DOCK3: variants seen among roughly 807,000 people sequenced by gnomAD.
The protein encoded by DOCK3 is dedicator of cytokinesis protein 3.
DOCK3 carries 60 observed loss-of-function variants against 265.6 expected under a neutral mutation model. That is an observed-to-expected ratio of 0.23 (90% confidence interval 0.18 to 0.28). The LOEUF (loss-of-function observed/expected upper bound fraction) is 0.28, where lower values mean the gene tolerates loss of function less well. DOCK3 is among the 10% of genes least tolerant of loss of function. DOCK3 has a pLI of 1.00. For synonymous variants in DOCK3, 881 were observed against 938.0 expected (o/e 0.94, Z 1.11); for missense variants, 1,981 against 2,594.3 (o/e 0.76, Z 5.14).
intron 2 of DOCK3, among the ~76,000 whole-genome samples, chr3:50,794,575 C>T (rs1014579906): frequency 1.3e-5 from 2 of 151,898 alleles, no homozygotes; most frequent in African/African-American, 4.8e-5. Flanking sequence ...TCTATTTTGT[C>T]TTGCTTGGTA....
intron 23 of DOCK3, among the ~76,000 whole-genome samples, chr3:51,268,900 T>A (rs866732671): frequency 4.6e-5 from 7 of 152,114 alleles, no homozygotes; most frequent in Admixed American, 2.0e-4. Flanking sequence ...AGCCAAAATA[T>A]GGAGAGATTA....
chr3:50,919,337 A>T (rs1436063490), intron 4 of DOCK3, among the ~76,000 whole-genome samples: 1 of 152,090 alleles, frequency 6.6e-6, no homozygotes, highest in Non-Finnish European at 1.5e-5. Flanking sequence ...TCTATAAATA[A>T]CCTTGGGCAC....
At chr3:51,184,875 T>A (rs996800364) in intron 12 of DOCK3, among the ~76,000 whole-genome samples, 1 of 152,208 alleles carries the variant, frequency 6.6e-6, no homozygotes, top group Non-Finnish European at 1.5e-5. Context: ...GCAAAAGTCA[T>A]GCTGATAGTA....
chr3:51,341,495 A>T, intron 38 of DOCK3, 110 bp downstream of exon 38: 6 of 1,470,822 alleles, frequency 4.1e-6, no homozygotes, highest in Non-Finnish European at 5.6e-6. Flanking sequence ...TGGGGTGGTG[A>T]GTGGGTGGGT....
chr3:51,249,486 C>T (rs867994507), intron 22 of DOCK3, among the ~76,000 whole-genome samples: 6 of 102,764 alleles, frequency 5.8e-5, no homozygotes, highest in African/African-American at 7.7e-5. Flanking sequence ...CCAGCCGCCC[C>T]ATCCGGGAGG....
chr3:51,069,120 C>T (rs2081740876), intron 6 of DOCK3, among the ~76,000 whole-genome samples: 1 of 152,122 alleles, frequency 6.6e-6, no homozygotes, highest in African/African-American at 2.4e-5. Flanking sequence ...TATGTAGATA[C>T]TCCATAAGTA....
intron 5 of DOCK3, among the ~76,000 whole-genome samples, chr3:51,001,848 G>T (rs1449647913): frequency 2.0e-5 from 3 of 152,078 alleles, no homozygotes; most frequent in Admixed American, 6.6e-5. Flanking sequence ...TGATAGGTGT[G>T]TCTCTCACTA....
rs535019658 is a variant in DOCK3 at position 51,308,832 on chromosome 3, C to T, written c.2923-1400C>T. 5.1e-3 allele frequency among the ~76,000 whole-genome samples: 718 copies of T among 140,890 alleles called. 3 individuals are homozygous for T. Among genetic ancestry groups the T allele is most frequent in the Non-Finnish European group, 8.3e-3 (509 of 60,972 alleles). 92.4% of individuals were successfully genotyped at this position (140,890 alleles called of 152,430 possible). ...GGGGCTCCTCACTTCTCAGACGGGG[C>T]GGCTGCCGGGCGGAGGGGCTCCTCA... is the stretch of plus-strand genomic sequence containing the variant. On this transcript the variant is annotated intron_variant, in intron 27 of 52. Coordinates refer to ENST00000266037, the MANE Select transcript of DOCK3 (RefSeq NM_004947.5).
chr3:51,118,798 A>ATT (rs564429211), intron 9 of DOCK3, among the ~76,000 whole-genome samples: 6,799 of 143,914 alleles, frequency 0.047, 545 homozygotes, highest in African/African-American at 0.16. Flanking sequence ...ATTACAACCC[A>ATT]TTTTTTTTTT....
chr3:50,806,920 G>T lies in DOCK3; in HGVS notation c.121+28162G>T, dbSNP rs1160256078. 2.6e-5 allele frequency among the ~76,000 whole-genome samples: 4 copies of T among 151,844 alleles called. No homozygotes were observed. In the East Asian group the frequency reaches 7.8e-4, roughly 29 times the overall value. On this transcript the variant is annotated intron_variant, in intron 2 of 52. Transcript: ENST00000266037. ...TGGTGGCTTTCCAAACTGGACTCAGGGGGTGTAAGGACTGTAGGCCTTTGC... is the reference window on the plus strand; with the variant it reads ...TGGTGGCTTTCCAAACTGGACTCAGTGGGTGTAAGGACTGTAGGCCTTTGC...
intron 9 of DOCK3, among the ~76,000 whole-genome samples, chr3:51,092,335 G>C (rs1204660430): frequency 6.6e-6 from 1 of 152,162 alleles, no homozygotes; most frequent in Non-Finnish European, 1.5e-5. Context: ...GTTGGGGGAG[G>C]GACATCTGCC....
At chr3:50,754,497 A>G (rs147810820) in intron 1 of DOCK3, among the ~76,000 whole-genome samples, 1 of 152,204 alleles carries the variant, frequency 6.6e-6, no homozygotes, top group African/African-American at 2.4e-5. Context: ...TACTTTGAGC[A>G]CATAAACATA....
In DOCK3 at chr3:51,246,713, TTC is replaced by T. The variant is rs2078859050; in HGVS notation, c.2103-9_2103-8del. On this transcript the variant is annotated splice_polypyrimidine_tract_variant and intron_variant, in intron 21 of 52. Coordinates refer to ENST00000266037, the MANE Select transcript of DOCK3 (RefSeq NM_004947.5). ...AATTAAAGTGGGGTTTCTGGAACTG[TTC>T]TCTTTCCCAGGGAGCTCATCCGCTG... 1 of 1,610,828 alleles carries T rather than the reference TTC, an allele frequency of 6.2e-7. No individual in the cohort carries two copies. Among genetic ancestry groups the T allele is most frequent in the African/African-American group, 1.3e-5 (1 of 74,900 alleles).
chr3:51,106,923 C>A (rs1576098953), intron 9 of DOCK3, among the ~76,000 whole-genome samples: 1 of 152,254 alleles, frequency 6.6e-6, no homozygotes, highest in Non-Finnish European at 1.5e-5. Flanking sequence ...CCGCTGCCAC[C>A]ACCATATGAA....
rs2086558526 is a variant in DOCK3 at position 51,359,085 on chromosome 3, A to G, written c.4884+1008A>G. Among the ~76,000 whole-genome samples, 2 of 152,352 alleles carry G rather than the reference A, an allele frequency of 1.3e-5. No individual in the cohort carries two copies. The highest frequency in any genetic ancestry group is 2.1e-4 in the South Asian group (1 of 4,832). On this transcript the variant is annotated intron_variant, in intron 46 of 52. Transcript: ENST00000266037. This position sits in a 1 kb window ranked among gnomAD's most constrained non-coding sequence, Gnocchi z 4.8. ...GGGAGACAAGAAGTAGAGCTGTTCAATGCTGCACGAGGTTGTCATGAGCAA... is the reference window on the plus strand; with the variant it reads ...GGGAGACAAGAAGTAGAGCTGTTCAGTGCTGCACGAGGTTGTCATGAGCAA...
chr3:50,786,148 T>C (rs1314868022), intron 2 of DOCK3, among the ~76,000 whole-genome samples: 1 of 152,190 alleles, frequency 6.6e-6, no homozygotes, highest in Non-Finnish European at 1.5e-5. Context: ...GTATTGCTTG[T>C]AATATCTCTT....
chr3:51,131,948 T>A (rs1560104446), intron 9 of DOCK3, among the ~76,000 whole-genome samples: 1 of 152,176 alleles, frequency 6.6e-6, no homozygotes, highest in East Asian at 1.9e-4. Flanking sequence ...CAAATCTGTT[T>A]TGCAAGGCAT....
chr3:51,200,818 C>G (rs566136735), intron 12 of DOCK3, among the ~76,000 whole-genome samples: 8 of 152,210 alleles, frequency 5.3e-5, no homozygotes, highest in Middle Eastern at 3.4e-3. Flanking sequence ...AGACTAACAG[C>G]GGATCTCTTG....
chr3:51,020,138 T>C (rs972568440), intron 5 of DOCK3, among the ~76,000 whole-genome samples: 2 of 151,942 alleles, frequency 1.3e-5, no homozygotes, highest in African/African-American at 4.9e-5. Context: ...CATCTGTTGT[T>C]TTTTGACTTT....
Sources: allele counts gnomAD v4.1 joint callset (sites outside exome capture counted in the v4.1 genomes callset), GRCh38; gene constraint gnomAD v4.1.1; non-coding constraint Gnocchi (gnomAD v3.1); transcripts MANE v1.5; gene names NCBI Gene and HGNC (gene_info 2026-07-23, HGNC 2026-07-21).